MEGF11: variants seen among roughly 807,000 people sequenced by gnomAD.
The protein encoded by MEGF11 is multiple EGF like domains 11.
MEGF11 carries 126 observed loss-of-function variants against 146.6 expected under a neutral mutation model. The observed-to-expected ratio is 0.86, with a 90% CI of 0.74 to 1.00. The LOEUF (loss-of-function observed/expected upper bound fraction) is 1.00, where lower values mean the gene tolerates loss of function less well. Ranked by LOEUF, MEGF11 falls within the 50% of genes least tolerant of loss-of-function variation. The pLI is 0.00. For synonymous variants in MEGF11, 532 were observed against 583.4 expected (o/e 0.91, Z 1.27); for missense variants, 1,509 against 1,521.2 (o/e 0.99, Z 0.13).
At chr15:66,138,361 T>A (rs1285560615) in intron 1 of MEGF11, among the ~76,000 whole-genome samples, 4 of 152,344 alleles carry the variant, frequency 2.6e-5, no homozygotes, top group Non-Finnish European at 5.9e-5. Context: ...GGTATACTCA[T>A]GCTATGATGA....
intron 16 of MEGF11, among the ~76,000 whole-genome samples, chr15:65,917,609 C>T (rs1015617178): frequency 2.0e-5 from 3 of 152,118 alleles, no homozygotes; most frequent in Admixed American, 6.5e-5. Context: ...GGTGGCTGCC[C>T]GGGCCTCATC....
chr15:66,099,330 G>A (rs939803615), intron 4 of MEGF11, among the ~76,000 whole-genome samples: 5 of 150,846 alleles, frequency 3.3e-5, no homozygotes, highest in Admixed American at 6.6e-5. Context: ...TTACAGGCAC[G>A]CGCCACCAAG....
Position 65,980,794 on chromosome 15 carries a change from C to G in MEGF11, c.746G>C (p.Cys249Ser). The change falls in exon 7 of 26, where the codon TGC becomes TCC. Residue 249 changes from cysteine (C) to serine (S), a missense_variant. Physicochemically the swap from Cys to Ser is moderately radical, Grantham distance 112 (BLOSUM62 -1). Coordinates refer to ENST00000395614, the MANE Select transcript of MEGF11 (RefSeq NM_001385028.1). ...CCCACTTACCGTCCAGCCTGGGGGG[C>G]AGGCACACTCGCCAGTGATGTGGTG... ...TCHHITGECA[C>S]PPGWTGAVCA... The G allele has an allele frequency of 6.2e-7, 1 of 1,605,822 alleles. No individual in the cohort carries two copies. Among genetic ancestry groups the G allele is most frequent in the Non-Finnish European group, 8.5e-7 (1 of 1,176,396 alleles).
rs1324316090 is a variant in MEGF11 at position 65,982,587 on chromosome 15, C to T, written c.395-99G>A. On this transcript the variant is annotated intron_variant, in intron 5 of 25. Coordinates refer to ENST00000395614, the MANE Select transcript of MEGF11 (RefSeq NM_001385028.1). The surrounding 1 kb of genome is among the most constrained non-coding windows in gnomAD (Gnocchi z 5.6). ...CCATGCGGCCTTCCCATCTTTGCAG[C>T]GCTGCTCCCCGGACAGGTGGCAGCA... 6 of 1,353,384 alleles carry T rather than the reference C, an allele frequency of 4.4e-6. No homozygotes were observed. Among genetic ancestry groups the T allele is most frequent in the Non-Finnish European group, 5.8e-6 (6 of 1,041,630 alleles). The allele number at this position is 1,353,384 out of a possible 1,614,324, so 83.8% of individuals were successfully genotyped here.
intron 10 of MEGF11, 81 bp from the exon 11 acceptor site, chr15:65,931,024 T>C (rs896789428): frequency 5.4e-5 from 75 of 1,400,166 alleles, no homozygotes; most frequent in South Asian, 2.0e-4. Flanking sequence ...TGACCCCTGC[T>C]GCCCCCAACA....
At chr15:66,055,197 G>A (rs947367516) in intron 5 of MEGF11, among the ~76,000 whole-genome samples, 2 of 152,188 alleles carry the variant, frequency 1.3e-5, no homozygotes, top group South Asian at 4.1e-4. Flanking sequence ...GCTCTGATAA[G>A]GCTGCACACT....
intron 5 of MEGF11, among the ~76,000 whole-genome samples, chr15:65,983,455 C>T (rs529206533): frequency 5.1e-4 from 78 of 152,230 alleles, no homozygotes; most frequent in African/African-American, 1.7e-3. Context: ...TAGCCTCATT[C>T]GCTCAAATTC....
In MEGF11 at chr15:65,909,769, C is replaced by T; in HGVS notation, c.2867G>A (p.Trp956Ter). Residue 956 changes from tryptophan (W) to a stop codon, truncating the protein, a stop_gained, in exon 22 of 26, where the codon TGG becomes TAG. Coordinates refer to ENST00000395614, the MANE Select transcript of MEGF11 (RefSeq NM_001385028.1). LOFTEE classifies it high-confidence loss of function. ...CACGTTCACATAGCTGTAGGGGGTC[C>T]AGCCTGCTGTGTCTCTGTCAAGGGA... ...NKSLDRDTAG[W>*]TPYSYVNVLD... 6.3e-7 allele frequency: 1 copy of T among 1,585,486 alleles called. No homozygotes were observed. The highest frequency in any genetic ancestry group is 2.3e-5 in the East Asian group (1 of 44,228).
intron 1 of MEGF11, among the ~76,000 whole-genome samples, chr15:66,178,238 G>A (rs1490578463): frequency 7.9e-5 from 12 of 152,118 alleles, no homozygotes; most frequent in Middle Eastern, 3.4e-3. Flanking sequence ...TGCCTTCCTC[G>A]GCTTCCCAAA....
chr15:66,112,359 T>C (rs1054471849), intron 4 of MEGF11, among the ~76,000 whole-genome samples: 4 of 151,942 alleles, frequency 2.6e-5, no homozygotes, highest in African/African-American at 9.7e-5. Context: ...AAAAAGAAAC[T>C]GAAATTAAGA....
chr15:66,251,731 T>C (rs1199820479), intron 1 of MEGF11, among the ~76,000 whole-genome samples: 1 of 152,216 alleles, frequency 6.6e-6, no homozygotes, highest in African/African-American at 2.4e-5. Flanking sequence ...GAGACTTGGT[T>C]TATCTACTCT....
At chr15:66,164,310 C>T (rs1567269130) in intron 1 of MEGF11, among the ~76,000 whole-genome samples, 1 of 152,182 alleles carries the variant, frequency 6.6e-6, no homozygotes, top group African/African-American at 2.4e-5. Flanking sequence ...GTGCTTTTCA[C>T]CTCATCACTG....
chr15:65,988,207 C>T (rs774705240), intron 5 of MEGF11, among the ~76,000 whole-genome samples: 26 of 151,860 alleles, frequency 1.7e-4, no homozygotes, highest in Non-Finnish European at 2.6e-4. Context: ...TGGGATTTCA[C>T]CATGTTGGCC....
chr15:66,128,663 T>C (rs1479774485), intron 1 of MEGF11, among the ~76,000 whole-genome samples: 1 of 152,156 alleles, frequency 6.6e-6, no homozygotes, highest in Non-Finnish European at 1.5e-5. Flanking sequence ...GTGAAAGGTA[T>C]AGATGTTCTC....
intron 10 of MEGF11, among the ~76,000 whole-genome samples, chr15:65,947,052 T>C (rs911715348): frequency 3.9e-5 from 6 of 152,362 alleles, no homozygotes; most frequent in African/African-American, 1.2e-4. Flanking sequence ...TTTTTTGTTA[T>C]GTTTTTTCTG....
Position 65,939,683 on chromosome 15 carries a change from C to T in MEGF11, c.1288-8740G>A, listed in dbSNP as rs554784692. On this transcript the variant is annotated intron_variant, in intron 10 of 25. Coordinates refer to ENST00000395614, the MANE Select transcript of MEGF11 (RefSeq NM_001385028.1). ...CTAATTTTTGTATTTTTAGTAGAGA[C>T]GGGGTTTCACCATGTTAGTCAGGCT... Among the ~76,000 whole-genome samples, 168 of 152,060 alleles carry T rather than the reference C, an allele frequency of 1.1e-3. 2 individuals are homozygous for T. Among genetic ancestry groups the T allele is most frequent in the African/African-American group, 3.6e-3 (150 of 41,480 alleles).
At chr15:66,224,666 ATATATT>A in intron 1 of MEGF11, among the ~76,000 whole-genome samples, 1 of 145,980 alleles carries the variant, frequency 6.9e-6, no homozygotes, top group South Asian at 2.1e-4. Flanking sequence ...TATATAAAGT[ATATATT>A]TATATATAAT....
At chr15:65,965,609 T>TCTTTCTTTCTTTCTTTTC (rs1567180128) in intron 8 of MEGF11, among the ~76,000 whole-genome samples, 1 of 80,364 alleles carries the variant, frequency 1.2e-5, no homozygotes, top group Non-Finnish European at 2.8e-5. Context: ...TCTTTTTTTT[T>TCTTTCTTTCTTTCTTTTC]TTTCTTTTTT....
intron 1 of MEGF11, among the ~76,000 whole-genome samples, chr15:66,160,692 C>CACACAT (rs1418501919): frequency 2.0e-5 from 3 of 151,548 alleles, no homozygotes; most frequent in African/African-American, 7.3e-5. Flanking sequence ...CACACACACA[C>CACACAT]ACACACACAC....
Sources: allele counts gnomAD v4.1 joint callset (sites outside exome capture counted in the v4.1 genomes callset), GRCh38; gene constraint gnomAD v4.1.1; non-coding constraint Gnocchi (gnomAD v3.1); transcripts MANE v1.5; gene names NCBI Gene and HGNC (gene_info 2026-07-23, HGNC 2026-07-21).